Variants in NOL4 observed in about 807,000 individuals in gnomAD.
The protein encoded by NOL4 is nucleolar protein 4.
A neutral mutation model predicts 75.9 loss-of-function variants in NOL4; 17 were observed. That is an observed-to-expected ratio of 0.22 (90% CI 0.15 to 0.34). The LOEUF (loss-of-function observed/expected upper bound fraction) is 0.34. Ranked by LOEUF, NOL4 falls within the 10% of genes least tolerant of loss-of-function variation. NOL4 has a pLI of 1.00. For missense variants in NOL4, 614 were observed against 793.5 expected (o/e 0.77, Z 2.72); for synonymous variants, 292 against 289.9 (o/e 1.01, Z -0.07).
At chr18:33,888,737 G>A (rs981258542) in intron 9 of NOL4, among the ~76,000 whole-genome samples, 4 of 151,952 alleles carry the variant, frequency 2.6e-5, no homozygotes, top group African/African-American at 9.7e-5. Flanking sequence ...GTAGATGTGT[G>A]GTGTTATTTC....
intron 1 of NOL4, among the ~76,000 whole-genome samples, chr18:34,162,824 T>C (rs925944461): frequency 2.0e-5 from 3 of 152,140 alleles, no homozygotes; most frequent in Admixed American, 6.5e-5. Context: ...TGATGAACAT[T>C]GATGCAAAAA....
Position 34,223,154 on chromosome 18 carries a change from C to T in NOL4, c.100G>A (p.Glu34Lys). 1 of 1,614,188 alleles carries T rather than the reference C, an allele frequency of 6.2e-7. No homozygotes were observed. Among genetic ancestry groups the T allele is most frequent in the Non-Finnish European group, 8.5e-7 (1 of 1,180,032 alleles). Residue 34 changes from glutamate (E) to lysine (K), a missense_variant, in exon 1 of 11, where the codon GAA becomes AAA. This residue lies in a region of NOL4 where 35 missense variants were observed against 29.2 expected (regional missense o/e 1.20). Transcript: ENST00000261592. ...CCATTGAGGAGCTGGACGATCCGTT[C>T]GTATTTTTTACGGGTCACCGTCTTG... ...KTKTVTRKKY[E>K]RIVQLLNGSE...
At chr18:34,117,354 A>G (rs1203316770) in intron 2 of NOL4, among the ~76,000 whole-genome samples, 2 of 152,182 alleles carry the variant, frequency 1.3e-5, no homozygotes, top group Admixed American at 6.5e-5. Flanking sequence ...AGCCACTCCT[A>G]GTTATCAGTA....
chr18:33,949,086 T>A (rs983692714), intron 8 of NOL4, among the ~76,000 whole-genome samples: 1 of 152,088 alleles, frequency 6.6e-6, no homozygotes, highest in Non-Finnish European at 1.5e-5. Context: ...CTGATATATT[T>A]TTATTTGTGA....
intron 1 of NOL4, among the ~76,000 whole-genome samples, chr18:34,189,636 A>G (rs1297374658): frequency 6.6e-6 from 1 of 152,182 alleles, no homozygotes; most frequent in Non-Finnish European, 1.5e-5. Flanking sequence ...ATATGTAATA[A>G]TACATTTTAA....
chr18:33,929,573 C>T (rs568027611), intron 9 of NOL4, among the ~76,000 whole-genome samples: 1 of 152,218 alleles, frequency 6.6e-6, no homozygotes, highest in Admixed American at 6.5e-5. Flanking sequence ...CAAACACCTG[C>T]TCAGTGGTGA....
Position 33,958,293 on chromosome 18 carries a change from C to T in NOL4, c.1182G>A (p.Ser394=), listed in dbSNP as rs770008742. The stretch of plus-strand genomic sequence containing the variant: ...CGCCGTCTGTCTCATTAACTTTCTC[C>T]GAATCGTCATGGTCCTCGTGGTCAT... ...DEDDHEDHDD[S]EKVNETDGVE... The change falls in exon 7 of 11, where the codon TCG becomes TCA. Residue 394 remains serine, a synonymous_variant. Transcript: ENST00000261592. 35 of 1,613,768 alleles carry T rather than the reference C, an allele frequency of 2.2e-5. No homozygotes were observed. The highest frequency in any genetic ancestry group is 1.3e-4 in the South Asian group (12 of 91,066).
At chr18:33,862,071 G>T (rs888008312) in intron 10 of NOL4, among the ~76,000 whole-genome samples, 3 of 152,022 alleles carry the variant, frequency 2.0e-5, no homozygotes, top group African/African-American at 7.2e-5. Context: ...CCAAAACAGA[G>T]ATATAGATCA....
At chr18:33,928,292 T>C (rs1456057376) in intron 9 of NOL4, among the ~76,000 whole-genome samples, 1 of 152,210 alleles carries the variant, frequency 6.6e-6, no homozygotes. Context: ...CACCTACTTG[T>C]ATCCTGCTGA....
intron 1 of NOL4, among the ~76,000 whole-genome samples, chr18:34,135,787 T>C (rs913137305): frequency 2.0e-5 from 3 of 149,376 alleles, no homozygotes; most frequent in Non-Finnish European, 3.0e-5. Flanking sequence ...ATGGAATTCA[T>C]CACAAACTCT....
At chr18:33,924,266 A>G (rs888124054) in intron 9 of NOL4, among the ~76,000 whole-genome samples, 2 of 152,226 alleles carry the variant, frequency 1.3e-5, no homozygotes, top group African/African-American at 4.8e-5. Flanking sequence ...CAGAACAGTG[A>G]AAGGCAACAG....
intron 9 of NOL4, among the ~76,000 whole-genome samples, chr18:33,902,315 A>G (rs895519551): frequency 6.6e-6 from 1 of 152,098 alleles, no homozygotes; most frequent in East Asian, 1.9e-4. Flanking sequence ...TTTCAGATTC[A>G]TATCTCAGAA....
intron 1 of NOL4, among the ~76,000 whole-genome samples, chr18:34,209,144 A>G (rs1411923300): frequency 6.8e-6 from 1 of 147,474 alleles, no homozygotes; most frequent in Non-Finnish European, 1.5e-5. Context: ...CTGGGATCTG[A>G]GATCACACCA....
At chr18:34,076,616 A>C (rs1018395007) in intron 5 of NOL4, among the ~76,000 whole-genome samples, 2 of 152,170 alleles carry the variant, frequency 1.3e-5, no homozygotes, top group Admixed American at 1.3e-4. Flanking sequence ...ATGTCACCTG[A>C]GTCCCACTCC....
chr18:33,887,205 TA>T (rs1337746319), intron 9 of NOL4, among the ~76,000 whole-genome samples: 6 of 147,556 alleles, frequency 4.1e-5, no homozygotes, highest in Non-Finnish European at 8.9e-5. Flanking sequence ...AAATTAGAAA[TA>T]AAAAAGATTT....
chr18:34,203,711 T>TCACACACA (rs1271040642), intron 1 of NOL4, among the ~76,000 whole-genome samples: 2 of 82,126 alleles, frequency 2.4e-5, no homozygotes, highest in African/African-American at 7.8e-5. Flanking sequence ...TCTCTCTCTC[T>TCACACACA]CTCTCTCACA....
intron 4 of NOL4, among the ~76,000 whole-genome samples, chr18:34,094,592 T>G (rs2078682152): frequency 6.6e-6 from 1 of 152,210 alleles, no homozygotes; most frequent in Admixed American, 6.5e-5. Flanking sequence ...AGAACTGATT[T>G]TTGGACAAAT....
chr18:33,882,771 G>C (rs1348992600), intron 10 of NOL4, among the ~76,000 whole-genome samples: 2 of 152,002 alleles, frequency 1.3e-5, no homozygotes, highest in African/African-American at 2.4e-5. Context: ...GTTTATTGCG[G>C]CACTGTTCAC....
intron 9 of NOL4, among the ~76,000 whole-genome samples, chr18:33,927,349 C>T (rs2067402655): frequency 6.6e-6 from 1 of 152,094 alleles, no homozygotes; most frequent in Admixed American, 6.5e-5. Context: ...GTCCATATTC[C>T]TATCATTTTT....
Sources: gnomAD v4.1 joint callset for allele counts (sites outside exome capture counted in the v4.1 genomes callset) on GRCh38, gnomAD v4.1.1 for gene constraint, gnomAD v4.1.1 regional missense constraint, MANE v1.5 for transcripts, NCBI Gene and HGNC (gene_info 2026-07-23, HGNC 2026-07-21) for gene names.